SSC5D: variants seen among roughly 807,000 people sequenced by gnomAD.
SSC5D encodes soluble scavenger receptor cysteine-rich domain-containing protein SSC5D.
In SSC5D, 106 loss-of-function variants were observed where a neutral mutation model predicts 104.6. That is an observed-to-expected ratio of 1.01 (90% CI 0.87 to 1.19). The LOEUF (loss-of-function observed/expected upper bound fraction) is 1.19, where lower values mean the gene tolerates loss of function less well. Ranked by LOEUF, SSC5D falls within the 50% of genes most tolerant of loss-of-function variation. The pLI is 0.00. For synonymous variants in SSC5D, 860 were observed against 883.5 expected, an observed-to-expected ratio of 0.97 and a Z score of 0.47; for missense variants, 1,993 against 2,153.8, an observed-to-expected ratio of 0.93 and a Z score of 1.48.
rs373419064 is a variant in SSC5D, at chr19:55,500,643, G to A, written c.2456G>A (p.Arg819Gln). 123 of 1,551,752 alleles carry A rather than the reference G, an allele frequency of 7.9e-5. 1 individual carries two copies. In the South Asian group the frequency reaches 8.8e-4, roughly 11 times the overall value. ...ACWELGCGKVRPRVGKTHYGP... is the reference protein window; with the variant it reads ...ACWELGCGKVQPRVGKTHYGP... ...TGGGAACTGGGCTGTGGAAAGGTCC[G>A]GCCTCGAGTAGGCAAAACCCATTAC... The change falls in exon 11 of 14, where the codon CGG (arginine) becomes CAG (glutamine). Residue 819 changes from arginine (R) to glutamine (Q), a missense_variant. Physicochemically the swap from Arg to Gln is conservative, Grantham distance 43. Around this residue, in one of 6 missense-constraint regions of SSC5D, gnomAD observed 70 missense variants for 107.1 expected, o/e 0.65. Coordinates refer to ENST00000389623, the MANE Select transcript of SSC5D (RefSeq NM_001144950.2). This position sits in a 1 kb window ranked among gnomAD's most constrained non-coding sequence, Gnocchi z 4.6.
rs773054592 is a variant in SSC5D at position 55,513,191 on chromosome 19, G to T, written c.2947+19G>T. On this transcript the variant is annotated intron_variant, in intron 13 of 13. Coordinates refer to ENST00000389623, the MANE Select transcript of SSC5D (RefSeq NM_001144950.2). ...GACACAGGTGAGACACGTGGCTGGG[G>T]TGAGGAGACTGGGACGGTATTTGTC... is the stretch of plus-strand genomic sequence containing the variant. The T allele has an allele frequency of 4.7e-6, 7 of 1,475,150 alleles. No homozygotes were observed. Among genetic ancestry groups the T allele is most frequent in the Non-Finnish European group, 6.3e-6 (7 of 1,109,566 alleles). The allele number at this position is 1,475,150 out of a possible 1,614,324, so 91.4% of individuals were successfully genotyped here.
intron 9 of SSC5D, among the ~76,000 whole-genome samples, chr19:55,499,011 G>A (rs1987400279): frequency 6.6e-6 from 1 of 152,178 alleles, no homozygotes; most frequent in African/African-American, 2.4e-5. Flanking sequence ...CAACGAAGTG[G>A]GACAACACAC....
rs1383335216 is a variant in SSC5D at position 55,494,768 on chromosome 19, C to A, written c.1372C>A (p.Pro458Thr). ...PPASPTVLWE[P>T]GPEAGSPQLR... The stretch of plus-strand genomic sequence containing the variant: ...AGCCTCCCCTACTGTCCTTTGGGAG[C>A]CTGGACCGGAAGCCGGTGAGTCCCT... The change falls in exon 8 of 14, where the codon CCT (proline) becomes ACT (threonine). Residue 458 changes from proline to threonine, a missense_variant. Coordinates refer to ENST00000389623, the MANE Select transcript of SSC5D (RefSeq NM_001144950.2). 1.5e-5 allele frequency: 23 copies of A among 1,542,966 alleles called. No individual in the cohort carries two copies. Among genetic ancestry groups the A allele is most frequent in the African/African-American group, 2.8e-5 (2 of 72,722 alleles).
At chr19:55,488,944 T>C (rs1434879005) in intron 1 of SSC5D, 62 bp from the exon 2 acceptor site, 4 of 605,218 alleles carry the variant, frequency 6.6e-6, no homozygotes, top group Non-Finnish European at 4.1e-6. Flanking sequence ...GGGCCTGCGC[T>C]GGAGAAAGGG....
intron 12 of SSC5D, among the ~76,000 whole-genome samples, chr19:55,505,451 A>T (rs967105182): frequency 2.0e-5 from 3 of 151,812 alleles, no homozygotes; most frequent in African/African-American, 7.3e-5. Flanking sequence ...ATACATCGCC[A>T]CAAATTTAGT....
rs1282405325 is a variant in SSC5D, at chr19:55,493,871, A to T, written c.1172A>T (p.His391Leu). The T allele has an allele frequency of 6.5e-7, 1 of 1,548,468 alleles. No individual in the cohort carries two copies. The highest frequency in any genetic ancestry group is 8.7e-7 in the Non-Finnish European group (1 of 1,146,522). Residue 391 changes from histidine to leucine, a missense_variant, in exon 7 of 14, where the codon CAT becomes CTT. Coordinates refer to ENST00000389623, the MANE Select transcript of SSC5D (RefSeq NM_001144950.2). ...RFCPARPWGQ[H>L]DCHHREDAGA... ...TGCCCAGCTCGGCCCTGGGGCCAGC[A>T]TGACTGTCACCACCGCGAGGACGCC...
chr19:55,490,957 G>A lies in SSC5D; in HGVS notation c.772G>A (p.Gly258Arg), dbSNP rs1363012692. ...PGGARFGPGA[G>R]PVWMDDVGCG... ...CGGTGCCAGATTCGGGCCTGGTGCA[G>A]GGCCCGTGTGGATGGACGATGTGGG... Residue 258 changes from glycine to arginine, a missense_variant, in exon 6 of 14, where the codon GGG becomes AGG. Transcript: ENST00000389623. 2 of 1,546,538 alleles carry A rather than the reference G, an allele frequency of 1.3e-6. No homozygotes were observed. The highest frequency in any genetic ancestry group is 1.7e-6 in the Non-Finnish European group (2 of 1,144,988).
intron 6 of SSC5D, chr19:55,492,456 G>C (rs1305929504): frequency 6.6e-6 from 1 of 152,162 alleles, no homozygotes; most frequent in East Asian, 1.9e-4. Flanking sequence ...AGAGGAGAGG[G>C]TGAAGGTGCC....
rs1987556960 is a variant in SSC5D, at chr19:55,503,249, T to G, written c.2785+2048T>G. On this transcript the variant is annotated intron_variant, in intron 12 of 13. Coordinates refer to ENST00000389623, the MANE Select transcript of SSC5D (RefSeq NM_001144950.2). The surrounding 1 kb of genome is among the most constrained non-coding windows in gnomAD (Gnocchi z 4.0). ...AGCCACTGGGCCCAAACTGTTTCTG[T>G]ATCTTCCGTCCTCTTGTCTTTCACT... Among the ~76,000 whole-genome samples the G allele has an allele frequency of 6.6e-6, 1 of 152,176 alleles. No homozygotes were observed. Among genetic ancestry groups the G allele is most frequent in the Non-Finnish European group, 1.5e-5 (1 of 68,030 alleles).
intron 6 of SSC5D, chr19:55,491,804 C>T (rs1283426217): frequency 1.3e-5 from 2 of 152,508 alleles, no homozygotes; most frequent in Non-Finnish European, 2.9e-5. Context: ...TTCCCTTTCT[C>T]TTTCCTTTCT....
At chr19:55,516,405 G>A (rs1229366835) in intron 13 of SSC5D, among the ~76,000 whole-genome samples, 1 of 152,000 alleles carries the variant, frequency 6.6e-6, no homozygotes, top group African/African-American at 2.4e-5. Context: ...GCTGAGGCAG[G>A]AGAATGGTGT....
At position 55,518,338 on chromosome 19, in the gene SSC5D, A is replaced by G. The variant is rs901593584; in HGVS notation, c.4062A>G (p.Leu1354=). 1.4e-5 allele frequency: 22 copies of G among 1,545,388 alleles called. No homozygotes were observed. In the African/African-American group the frequency reaches 2.4e-4, roughly 17 times the overall value. The change falls in exon 14 of 14, where the codon CTA becomes CTG. Residue 1354 remains leucine, a synonymous_variant. Coordinates refer to ENST00000389623, the MANE Select transcript of SSC5D (RefSeq NM_001144950.2). Reference sequence around the variant, plus strand: ...GGACAGAACTCTCCTCTCCCACTCTAGCACCAACAGTCAAGCCCAGTCTGC... The same window carrying G: ...GGACAGAACTCTCCTCTCCCACTCTGGCACCAACAGTCAAGCCCAGTCTGC... ...SLGTELSSPT[L]APTVKPSLHP...
At position 55,494,613 on chromosome 19, in the gene SSC5D, T is replaced by C. The variant is rs1987257693; in HGVS notation, c.1217T>C (p.Met406Thr). 6.5e-7 allele frequency: 1 copy of C among 1,529,552 alleles called. No homozygotes were observed. The highest frequency in any genetic ancestry group is 8.8e-7 in the Non-Finnish European group (1 of 1,133,860). 94.7% of individuals were successfully genotyped at this position (1,529,552 alleles called of 1,614,324 possible). A position where few individuals can be genotyped will look rare whatever the true frequency, so the allele number is the denominator to read the frequency against. Reference sequence around the variant, plus strand: ...TCACTTACCCCCTGCTCCACAGGCATGCCCCTGGGCTACGTCCCTCCCACG... The same window carrying C: ...TCACTTACCCCCTGCTCCACAGGCACGCCCCTGGGCTACGTCCCTCCCACG... ...REDAGAVCDG[M>T]PLGYVPPTAP... Residue 406 changes from methionine (M) to threonine (T), a missense_variant, in exon 8 of 14, where the codon ATG becomes ACG. Met to Thr is a moderately conservative substitution (Grantham distance 81). This residue lies in a region of SSC5D where 1,101 missense variants were observed against 1,085.0 expected (regional missense o/e 1.01). Coordinates refer to ENST00000389623, the MANE Select transcript of SSC5D (RefSeq NM_001144950.2).
chr19:55,506,561 A>AT (rs1423969404), intron 12 of SSC5D, among the ~76,000 whole-genome samples: 1 of 151,480 alleles, frequency 6.6e-6, no homozygotes, highest in Non-Finnish European at 1.5e-5. Context: ...TGCCCGGCTA[A>AT]TTTTTTGTAT....
In SSC5D at chr19:55,489,144, T is replaced by C. The variant is rs547148718; in HGVS notation, c.52+112T>C. ...GGTCCCCGGCCCATCCGAATTCCAC[T>C]GTGACCTTGGCCCCAGCTCCGCAAG... On this transcript the variant is annotated intron_variant, in intron 2 of 13. Transcript: ENST00000389623. The C allele has an allele frequency of 4.6e-6, 4 of 869,646 alleles. No homozygotes were observed. In the African/African-American group the frequency reaches 5.8e-5, roughly 13 times the overall value. 53.9% of individuals were successfully genotyped at this position (869,646 alleles called of 1,614,324 possible). A position where few individuals can be genotyped will look rare whatever the true frequency, so the allele number is the denominator to read the frequency against.
intron 12 of SSC5D, chr19:55,504,066 G>A (rs1987581008): frequency 1.3e-6 from 2 of 1,514,236 alleles, no homozygotes; most frequent in Non-Finnish European, 1.8e-6. Flanking sequence ...GCCGTGACTT[G>A]GGGGTGGGTG....
intron 8 of SSC5D, 107 bp from the exon 9 acceptor site, chr19:55,497,773 C>G (rs1383053194): frequency 1.8e-6 from 2 of 1,121,994 alleles, no homozygotes; most frequent in African/African-American, 1.6e-5. Context: ...GAGGGAAGGC[C>G]TAGATGGATG....
chr19:55,495,901 A>ATT (rs36109915), intron 8 of SSC5D, among the ~76,000 whole-genome samples: 1,943 of 98,670 alleles, frequency 0.02, 95 homozygotes, highest in African/African-American at 0.067. Flanking sequence ...GAGCCTGGCT[A>ATT]TTTTTTTTTT....
rs569180336 is a variant in SSC5D at position 55,512,892 on chromosome 19, T to C, written c.2786-119T>C. 16 of 1,239,048 alleles carry C rather than the reference T, an allele frequency of 1.3e-5. No homozygotes were observed. The East Asian group carries it at 3.8e-4, about 30-fold the overall frequency. 76.8% of individuals were successfully genotyped at this position (1,239,048 alleles called of 1,614,324 possible). Reference sequence around the variant, plus strand: ...TCCACGAGGTCAGGTAGGGCTGCAGTGGCGGTGCAGTTGAGACGGGATGAT... The same window carrying C: ...TCCACGAGGTCAGGTAGGGCTGCAGCGGCGGTGCAGTTGAGACGGGATGAT... On this transcript the variant is annotated intron_variant, in intron 12 of 13. Coordinates refer to ENST00000389623, the MANE Select transcript of SSC5D (RefSeq NM_001144950.2).
Sources: gnomAD v4.1 joint callset for allele counts (sites outside exome capture counted in the v4.1 genomes callset) on GRCh38, gnomAD v4.1.1 for gene constraint, gnomAD v4.1.1 regional missense constraint, Gnocchi (gnomAD v3.1) non-coding constraint, MANE v1.5 for transcripts, NCBI Gene and HGNC (gene_info 2026-07-23, HGNC 2026-07-21) for gene names.